Variants in ROBO1 observed in about 807,000 individuals in gnomAD.
The protein encoded by ROBO1 is roundabout guidance receptor 1.
ROBO1 carries 149 observed loss-of-function variants against 195.9 expected under a neutral mutation model. That is an observed-to-expected ratio of 0.76 (90% CI 0.67 to 0.87). The LOEUF is 0.87. ROBO1 is among the 40% of genes least tolerant of loss of function. The probability of loss-of-function intolerance (pLI) is 0.00; values close to 1 mark genes in which losing one functional copy is unlikely to be tolerated. For synonymous variants in ROBO1, 816 were observed against 733.2 expected (o/e 1.11, Z -1.82); for missense variants, 1,933 against 2,068.3 (o/e 0.93, Z 1.27).
intron 2 of ROBO1, among the ~76,000 whole-genome samples, chr3:79,204,647 A>G (rs1396836611): frequency 1.3e-5 from 2 of 151,900 alleles, no homozygotes; most frequent in African/African-American, 4.8e-5. Context: ...TGACTGCACA[A>G]CTCTACACTC....
intron 5 of ROBO1, among the ~76,000 whole-genome samples, chr3:78,727,246 T>C (rs1188900276): frequency 2.0e-5 from 3 of 151,990 alleles, no homozygotes; most frequent in East Asian, 1.9e-4. Context: ...AGATATTATA[T>C]AATATAAAAG....
chr3:79,232,258 A>AT (rs200529854), intron 2 of ROBO1, among the ~76,000 whole-genome samples: 8,224 of 148,492 alleles, frequency 0.055, 256 homozygotes, highest in African/African-American at 0.091. Flanking sequence ...AAAAAAAAAA[A>AT]AAATATATAT....
At chr3:78,793,792 G>T (rs1400887660) in intron 4 of ROBO1, among the ~76,000 whole-genome samples, 1 of 151,864 alleles carries the variant, frequency 6.6e-6, no homozygotes, top group Non-Finnish European at 1.5e-5. Flanking sequence ...TTGGCCATAT[G>T]AATGTGTCAA....
At chr3:79,534,948 T>C (rs1425230588) in intron 2 of ROBO1, among the ~76,000 whole-genome samples, 1 of 152,134 alleles carries the variant, frequency 6.6e-6, no homozygotes, top group Non-Finnish European at 1.5e-5. Context: ...GTTCTCTGCT[T>C]AGTTTGATGT....
chr3:79,680,718 G>A (rs1272084280), intron 1 of ROBO1, among the ~76,000 whole-genome samples: 1 of 151,944 alleles, frequency 6.6e-6, no homozygotes. Flanking sequence ...GGAAGAATGA[G>A]GCAAAGGAAT....
At chr3:79,572,175 T>G (rs1356893631) in intron 2 of ROBO1, among the ~76,000 whole-genome samples, 1 of 152,152 alleles carries the variant, frequency 6.6e-6, no homozygotes, top group South Asian at 2.1e-4. Context: ...AAGAAAAATT[T>G]ATTTACAAAG....
At chr3:79,575,534 AATAT>A (rs1320632687) in intron 2 of ROBO1, among the ~76,000 whole-genome samples, 1 of 139,426 alleles carries the variant, frequency 7.2e-6, no homozygotes, top group Non-Finnish European at 1.5e-5. Flanking sequence ...ATATATAACA[AATAT>A]ATATAAATAT....
At chr3:79,481,833 T>G (rs1339666440) in intron 2 of ROBO1, among the ~76,000 whole-genome samples, 5 of 152,174 alleles carry the variant, frequency 3.3e-5, no homozygotes, top group Non-Finnish European at 5.9e-5. Flanking sequence ...TATATTGCCT[T>G]TTCTTTTATT....
chr3:78,860,331 T>A (rs1424383089), intron 4 of ROBO1, among the ~76,000 whole-genome samples: 31 of 143,760 alleles, frequency 2.2e-4, no homozygotes, highest in African/African-American at 7.1e-4. Context: ...TATATATTTT[T>A]TTTTTTTTAC....
intron 24 of ROBO1, among the ~76,000 whole-genome samples, chr3:78,631,615 G>A (rs971245553): frequency 6.6e-6 from 1 of 152,140 alleles, no homozygotes; most frequent in African/African-American, 2.4e-5. Flanking sequence ...CAAATGAGCT[G>A]TAGATATATT....
intron 2 of ROBO1, among the ~76,000 whole-genome samples, chr3:79,499,567 T>G (rs1939942072): frequency 6.6e-6 from 1 of 152,208 alleles, no homozygotes; most frequent in Non-Finnish European, 1.5e-5. Context: ...AATTTTTCCC[T>G]TATTCCTTCA....
chr3:78,678,010 A>T (rs1379621670), intron 10 of ROBO1, among the ~76,000 whole-genome samples: 5 of 152,088 alleles, frequency 3.3e-5, no homozygotes, highest in African/African-American at 1.2e-4. Flanking sequence ...AGAACTCAGG[A>T]TTAAGAAACT....
chr3:78,739,183 C>A (rs967714943), intron 5 of ROBO1, among the ~76,000 whole-genome samples: 24 of 152,050 alleles, frequency 1.6e-4, no homozygotes, highest in African/African-American at 5.6e-4. Context: ...GATAAATGAT[C>A]GACAAAGGTT....
intron 3 of ROBO1, among the ~76,000 whole-genome samples, chr3:79,060,242 C>A (rs1157201167): frequency 6.6e-6 from 1 of 151,928 alleles, no homozygotes; most frequent in Non-Finnish European, 1.5e-5. Context: ...TTATCAATGA[C>A]AATGTGTGCC....
chr3:79,710,797 G>A (rs944423924), intron 1 of ROBO1, among the ~76,000 whole-genome samples: 2 of 152,130 alleles, frequency 1.3e-5, no homozygotes, highest in Non-Finnish European at 2.9e-5. Context: ...TGGATATTTG[G>A]TATAGAGGTG....
Position 79,034,588 on chromosome 3 carries a change from G to A in ROBO1, c.172+90868C>T, listed in dbSNP as rs1470583059. ...TATTAAAACAACGTGGGAATAAAGA[G>A]GATAAAACTAGAAGAGGTCTAAATT... On this transcript the variant is annotated intron_variant, in intron 3 of 30. Coordinates refer to ENST00000464233, the MANE Select transcript of ROBO1 (RefSeq NM_002941.4). 3.3e-5 allele frequency among the ~76,000 whole-genome samples: 5 copies of A among 152,096 alleles called. 1 individual carries two copies. In the South Asian group the frequency reaches 8.3e-4, roughly 25 times the overall value.
intron 3 of ROBO1, among the ~76,000 whole-genome samples, chr3:79,030,761 G>A (rs979514690): frequency 2.6e-5 from 4 of 151,896 alleles, no homozygotes; most frequent in African/African-American, 4.8e-5. Flanking sequence ...TCACTCTGTC[G>A]ACCAGGCTGG....
At chr3:78,974,467 G>T (rs1486636508) in intron 3 of ROBO1, among the ~76,000 whole-genome samples, 1 of 152,020 alleles carries the variant, frequency 6.6e-6, no homozygotes. Context: ...TAGTCAGCTT[G>T]GCAATAGAAG....
chr3:79,223,622 C>A (rs1156242769), intron 2 of ROBO1, among the ~76,000 whole-genome samples: 6 of 152,164 alleles, frequency 3.9e-5, no homozygotes, highest in Admixed American at 3.9e-4. Flanking sequence ...CCATATTTAT[C>A]TTTCCAGGAT....
Sources: allele counts gnomAD v4.1 joint callset (sites outside exome capture counted in the v4.1 genomes callset), GRCh38; gene constraint gnomAD v4.1.1; transcripts MANE v1.5; gene names NCBI Gene and HGNC (gene_info 2026-07-23, HGNC 2026-07-21).